Variants in PTPRN2 observed in about 807,000 individuals in gnomAD.
PTPRN2 encodes the protein receptor-type tyrosine-protein phosphatase N2.
Under a neutral mutation model 118.8 loss-of-function variants are expected in PTPRN2, and 74 were observed. The observed-to-expected ratio is 0.62, with a 90% CI of 0.52 to 0.76. The LOEUF (loss-of-function observed/expected upper bound fraction) is 0.76, where lower values mean the gene tolerates loss of function less well. Among genes scored for constraint, PTPRN2 ranks in the 30% least tolerant of loss-of-function variants. The probability of loss-of-function intolerance (pLI) is 0.00; values close to 1 mark genes in which losing one functional copy is unlikely to be tolerated. For missense variants in PTPRN2, 1,481 were observed against 1,394.4 expected, an observed-to-expected ratio of 1.06 and a Z score of -0.99; for synonymous variants, 641 against 608.0, an observed-to-expected ratio of 1.05 and a Z score of -0.80.
chr7:157,805,316 T>TGTGTGC (rs61380811), intron 12 of PTPRN2, among the ~76,000 whole-genome samples: 7 of 147,550 alleles, frequency 4.7e-5, no homozygotes, highest in Non-Finnish European at 7.4e-5. Context: ...TGTGTGTGTG[T>TGTGTGC]GCGTGTGCAA....
chr7:157,942,170 G>A (rs1365288515), intron 11 of PTPRN2, among the ~76,000 whole-genome samples: 1,150 of 38,732 alleles, frequency 0.03, 20 homozygotes, highest in Middle Eastern at 0.029. Flanking sequence ...TCCACACACA[G>A]GGGTCCTCGG....
intron 1 of PTPRN2, among the ~76,000 whole-genome samples, chr7:158,492,704 T>G (rs1821546787): frequency 6.6e-6 from 1 of 152,268 alleles, no homozygotes; most frequent in Admixed American, 6.5e-5. Flanking sequence ...CTAAGTTATT[T>G]GTTCTAAAAT....
intron 1 of PTPRN2, among the ~76,000 whole-genome samples, chr7:158,502,330 A>G (rs983869454): frequency 6.6e-6 from 1 of 152,252 alleles, no homozygotes; most frequent in Non-Finnish European, 1.5e-5. Flanking sequence ...TTACAAAAAA[A>G]CTTAGCCAAC....
intron 6 of PTPRN2, among the ~76,000 whole-genome samples, chr7:158,148,756 C>T (rs1399940611): frequency 1.2e-5 from 1 of 81,012 alleles, no homozygotes; most frequent in Non-Finnish European, 2.6e-5. Context: ...CCCCATCTCA[C>T]GCCACGTGTC....
intron 3 of PTPRN2, among the ~76,000 whole-genome samples, chr7:158,265,971 C>A (rs4909162): frequency 6.6e-6 from 1 of 151,974 alleles, no homozygotes; most frequent in Non-Finnish European, 1.5e-5. Context: ...AGGGCTCCTT[C>A]GCCTCCCCAG....
rs111162917 is a variant in PTPRN2 at position 158,071,122 on chromosome 7, C to T, written c.1723+10176G>A. Among the ~76,000 whole-genome samples, 71 of 41,356 alleles carry T rather than the reference C, an allele frequency of 1.7e-3. 1 individual carries two copies. The highest frequency in any genetic ancestry group is 2.6e-3 in the Non-Finnish European group (59 of 22,462). The allele number at this position is 41,356 out of a possible 152,430, so 27.1% of individuals were successfully genotyped here. A position where few individuals can be genotyped will look rare whatever the true frequency, so the allele number is the denominator to read the frequency against. The stretch of plus-strand genomic sequence containing the variant: ...AGGTGCTCGTGGTGGTGGAGGTGCC[C>T]GTGGTGGTGGAGGTGCTCGTGGTGG... On this transcript the variant is annotated intron_variant, in intron 11 of 22. Transcript: ENST00000389418.
chr7:157,703,130 T>A (rs1798159901), intron 12 of PTPRN2, among the ~76,000 whole-genome samples: 1 of 152,246 alleles, frequency 6.6e-6, no homozygotes, highest in African/African-American at 2.4e-5. Context: ...AATGTCAGTG[T>A]GGCCGGCAGC....
At chr7:157,939,956 G>A (rs1206601922) in intron 11 of PTPRN2, among the ~76,000 whole-genome samples, 1 of 152,210 alleles carries the variant, frequency 6.6e-6, no homozygotes, top group South Asian at 2.1e-4. Context: ...GCACAGGCGG[G>A]GAAGAGCAGG....
chr7:157,886,372 G>A (rs1796446075), intron 12 of PTPRN2, among the ~76,000 whole-genome samples: 1 of 152,202 alleles, frequency 6.6e-6, no homozygotes, highest in South Asian at 2.1e-4. Flanking sequence ...CACAGGGAGG[G>A]AGGGAAGCAT....
intron 1 of PTPRN2, among the ~76,000 whole-genome samples, chr7:158,558,664 C>A (rs2129450760): frequency 6.6e-6 from 1 of 151,138 alleles, no homozygotes; most frequent in South Asian, 2.1e-4. Flanking sequence ...GAAAGAGTCT[C>A]CATAATTTGG....
rs1335752784 is a variant in PTPRN2, at chr7:157,617,281, G to T, written c.2344+4081C>A. The T allele has an allele frequency of 6.8e-6, 1 of 148,096 alleles. No individual in the cohort carries two copies. The highest frequency in any genetic ancestry group is 2.1e-4 in the South Asian group (1 of 4,664). The allele number at this position is 148,096 out of a possible 1,614,324, so 9.2% of individuals were successfully genotyped here. A position where few individuals can be genotyped will look rare whatever the true frequency, so the allele number is the denominator to read the frequency against. On this transcript the variant is annotated intron_variant, in intron 15 of 22. Transcript: ENST00000389418. The surrounding 1 kb of genome is among the most constrained non-coding windows in gnomAD (Gnocchi z 7.5). ...GCCCCAGTGATGCCGTGGTTAGGAC[G>T]CCGTTCACGCAGCTGCAGCGCAGAG... is the stretch of plus-strand genomic sequence containing the variant.
intron 16 of PTPRN2, among the ~76,000 whole-genome samples, chr7:157,595,526 A>C (rs1314615192): frequency 1.8e-4 from 20 of 112,106 alleles, no homozygotes; most frequent in African/African-American, 8.7e-4. Context: ...TTAGGAAGCC[A>C]GAAGGTTAGG....
At position 157,881,276 on chromosome 7, in the gene PTPRN2, A is replaced by C. The variant is rs111369579; in HGVS notation, c.1788+17397T>G. Among the ~76,000 whole-genome samples, 5,522 of 151,910 alleles carry C rather than the reference A, an allele frequency of 0.036. 367 individuals are homozygous for C. The highest frequency in any genetic ancestry group is 0.27 in the East Asian group (1,405 of 5,166). On this transcript the variant is annotated intron_variant, in intron 12 of 22. Coordinates refer to ENST00000389418, the MANE Select transcript of PTPRN2 (RefSeq NM_002847.5). This position sits in a 1 kb window ranked among gnomAD's most constrained non-coding sequence, Gnocchi z 4.7. Reference sequence around the variant, plus strand: ...GGTATGTGGAGATGGGGGTGTTTACAGGAGTCATTACAGTAAAATGTGGTC... The same window carrying C: ...GGTATGTGGAGATGGGGGTGTTTACCGGAGTCATTACAGTAAAATGTGGTC...
chr7:157,597,487 T>G (rs1042995417), intron 16 of PTPRN2, among the ~76,000 whole-genome samples: 1 of 151,914 alleles, frequency 6.6e-6, no homozygotes, highest in Admixed American at 6.6e-5. Context: ...TGTGTGTGTT[T>G]TTTTTTTTGC....
intron 2 of PTPRN2, among the ~76,000 whole-genome samples, chr7:158,463,532 TATC>T (rs560208237): frequency 5.3e-4 from 80 of 152,152 alleles, no homozygotes; most frequent in South Asian, 1.7e-3. Context: ...GTCATCACCA[TATC>T]ATCATCATTG....
intron 12 of PTPRN2, among the ~76,000 whole-genome samples, chr7:157,878,363 C>A (rs557911026): frequency 6.7e-6 from 1 of 149,004 alleles, no homozygotes; most frequent in African/African-American, 2.5e-5. Flanking sequence ...ACCATGCACC[C>A]ACACTTACTC....
intron 11 of PTPRN2, among the ~76,000 whole-genome samples, chr7:158,021,032 T>G (rs1225942703): frequency 1.3e-5 from 2 of 152,174 alleles, no homozygotes; most frequent in East Asian, 1.9e-4. Flanking sequence ...TCCTTGAGAT[T>G]TCTATACTTA....
intron 3 of PTPRN2, among the ~76,000 whole-genome samples, chr7:158,252,835 C>A (rs970538323): frequency 3.9e-5 from 6 of 152,088 alleles, no homozygotes; most frequent in Admixed American, 3.9e-4. Context: ...ACATGAGCCA[C>A]CCCCACCACC....
chr7:157,935,787 CA>C (rs1017200388), intron 11 of PTPRN2, among the ~76,000 whole-genome samples: 3 of 151,198 alleles, frequency 2.0e-5, no homozygotes, highest in African/African-American at 7.3e-5. Flanking sequence ...GTCACTCCCT[CA>C]GGGGGGTCTA....
Sources: gnomAD v4.1 joint callset for allele counts (sites outside exome capture counted in the v4.1 genomes callset) on GRCh38, gnomAD v4.1.1 for gene constraint, Gnocchi (gnomAD v3.1) non-coding constraint, MANE v1.5 for transcripts, NCBI Gene and HGNC (gene_info 2026-07-23, HGNC 2026-07-21) for gene names.